ERBB4: variants seen among roughly 807,000 people sequenced by gnomAD.
ERBB4 encodes the protein receptor tyrosine-protein kinase erbB-4.
Under a neutral mutation model 158.0 loss-of-function variants are expected in ERBB4, and 42 were observed. The observed-to-expected ratio is 0.27, with a 90% CI of 0.21 to 0.34. The LOEUF (loss-of-function observed/expected upper bound fraction) is 0.34, where lower values mean the gene tolerates loss of function less well. Ranked by LOEUF, ERBB4 falls within the 10% of genes least tolerant of loss-of-function variation. The pLI, the probability that ERBB4 is intolerant of heterozygous loss-of-function variation, is 1.00. For synonymous variants in ERBB4, 583 were observed against 558.7 expected (o/e 1.04, Z -0.61); for missense variants, 1,333 against 1,624.1 (o/e 0.82, Z 3.08).
intron 3 of ERBB4, among the ~76,000 whole-genome samples, chr2:211,883,786 A>G (rs2078725313): frequency 6.6e-6 from 1 of 152,176 alleles, no homozygotes; most frequent in Non-Finnish European, 1.5e-5. Context: ...AGCAAGACTC[A>G]GTCTCGAAAA....
intron 2 of ERBB4, among the ~76,000 whole-genome samples, chr2:212,012,709 A>C (rs1209105297): frequency 6.6e-6 from 1 of 152,022 alleles, no homozygotes; most frequent in Non-Finnish European, 1.5e-5. Context: ...CACCATGCCC[A>C]AACTTTTTGT....
chr2:212,222,270 A>G (rs2083313438), intron 1 of ERBB4, among the ~76,000 whole-genome samples: 1 of 151,618 alleles, frequency 6.6e-6, no homozygotes, highest in African/African-American at 2.4e-5. Context: ...GTTAATGGTC[A>G]AAATCAGCAG....
In ERBB4 at chr2:212,024,716, A is replaced by T. The variant is rs559343857; in HGVS notation, c.235-77100T>A. Among the ~76,000 whole-genome samples, 16 of 152,004 alleles carry T rather than the reference A, an allele frequency of 1.1e-4. No homozygotes were observed. In the East Asian group the frequency reaches 3.1e-3, roughly 29 times the overall value. On this transcript the variant is annotated intron_variant, in intron 2 of 27. Coordinates refer to ENST00000342788, the MANE Select transcript of ERBB4 (RefSeq NM_005235.3). ...TCCAAATCTGTGGATAAATCATGTG[A>T]CATATTCAACGACATAAAAAGGAAA...
intron 2 of ERBB4, among the ~76,000 whole-genome samples, chr2:212,044,827 G>C (rs1031506392): frequency 6.6e-6 from 1 of 151,972 alleles, no homozygotes; most frequent in African/African-American, 2.4e-5. Context: ...CCTGATTGAA[G>C]CTGAAAAAAT....
intron 1 of ERBB4, among the ~76,000 whole-genome samples, chr2:212,532,068 T>C (rs983448312): frequency 5.9e-5 from 9 of 152,244 alleles, no homozygotes; most frequent in Admixed American, 3.9e-4. Context: ...CAATTCTCTT[T>C]AATGCAACAT....
chr2:211,870,085 G>T (rs985930906), intron 3 of ERBB4, among the ~76,000 whole-genome samples: 4 of 151,716 alleles, frequency 2.6e-5, no homozygotes, highest in African/African-American at 7.3e-5. Context: ...TTCCTTTATT[G>T]TCTACCACTC....
chr2:212,184,814 TA>T (rs1281460836), intron 1 of ERBB4, among the ~76,000 whole-genome samples: 2 of 152,232 alleles, frequency 1.3e-5, no homozygotes, highest in South Asian at 2.1e-4. Flanking sequence ...TTGGCTTTCT[TA>T]AATAGAGGTC....
intron 1 of ERBB4, among the ~76,000 whole-genome samples, chr2:212,410,030 A>G (rs2091452708): frequency 6.6e-6 from 1 of 152,098 alleles, no homozygotes; most frequent in African/African-American, 2.4e-5. Context: ...ATTGTTAGAT[A>G]TTAAAGAAAC....
intron 1 of ERBB4, among the ~76,000 whole-genome samples, chr2:212,354,799 C>T (rs2089403923): frequency 6.6e-6 from 1 of 151,762 alleles, no homozygotes; most frequent in East Asian, 1.9e-4. Context: ...GTTGAAGTTT[C>T]CAAGTGGCTT....
At chr2:212,449,146 C>T (rs1378472052) in intron 1 of ERBB4, among the ~76,000 whole-genome samples, 2 of 152,024 alleles carry the variant, frequency 1.3e-5, no homozygotes, top group African/African-American at 4.8e-5. Flanking sequence ...GTGCTTATTT[C>T]TTCTTTATCA....
chr2:211,617,132 TA>T (rs2069420973), intron 19 of ERBB4, among the ~76,000 whole-genome samples: 1 of 152,102 alleles, frequency 6.6e-6, no homozygotes, highest in Non-Finnish European at 1.5e-5. Flanking sequence ...GATTATTTTG[TA>T]GGCTCTTAAC....
At chr2:211,486,687 G>A (rs375073608) in intron 20 of ERBB4, among the ~76,000 whole-genome samples, 6 of 151,928 alleles carry the variant, frequency 3.9e-5, no homozygotes, top group East Asian at 3.9e-4. Context: ...CTGTGCAAGC[G>A]ACACTCTCTC....
intron 1 of ERBB4, among the ~76,000 whole-genome samples, chr2:212,152,493 T>C (rs2080903096): frequency 6.6e-6 from 1 of 152,150 alleles, no homozygotes. Flanking sequence ...TCTACAATTC[T>C]TCTTTGCGAC....
At chr2:211,792,568 C>T (rs894823715) in intron 3 of ERBB4, among the ~76,000 whole-genome samples, 5 of 151,710 alleles carry the variant, frequency 3.3e-5, no homozygotes, top group South Asian at 2.1e-4. Context: ...TAAATAATGA[C>T]GATCTTTAGC....
chr2:211,493,420 A>G (rs914594117), intron 20 of ERBB4, among the ~76,000 whole-genome samples: 1 of 152,072 alleles, frequency 6.6e-6, no homozygotes, highest in African/African-American at 2.4e-5. Flanking sequence ...TGGCCTGGAT[A>G]AATGTACTAC....
At chr2:212,483,462 A>T (rs1227419184) in intron 1 of ERBB4, among the ~76,000 whole-genome samples, 2 of 152,224 alleles carry the variant, frequency 1.3e-5, no homozygotes, top group Non-Finnish European at 2.9e-5. Context: ...TAAAAACCTC[A>T]TAAGTGCTAA....
At chr2:211,776,154 A>G (rs1381086990) in intron 4 of ERBB4, among the ~76,000 whole-genome samples, 1 of 152,170 alleles carries the variant, frequency 6.6e-6, no homozygotes, top group Non-Finnish European at 1.5e-5. Flanking sequence ...TTGTGTCTTC[A>G]GGGTATTAAA....
chr2:212,498,800 T>G (rs1690723539), intron 1 of ERBB4, among the ~76,000 whole-genome samples: 1 of 152,016 alleles, frequency 6.6e-6, no homozygotes, highest in African/African-American at 2.4e-5. Context: ...AGACCCTAAC[T>G]ACTAGTAGTA....
chr2:211,488,833 C>A, intron 20 of ERBB4, among the ~76,000 whole-genome samples: 1 of 151,990 alleles, frequency 6.6e-6, no homozygotes, highest in Non-Finnish European at 1.5e-5. Flanking sequence ...GTGAGAGCAC[C>A]AATCCTGTAC....
Sources: allele counts gnomAD v4.1 joint callset (sites outside exome capture counted in the v4.1 genomes callset), GRCh38; gene constraint gnomAD v4.1.1; transcripts MANE v1.5; gene names NCBI Gene and HGNC (gene_info 2026-07-23, HGNC 2026-07-21).